CDH18: variants seen among roughly 807,000 people sequenced by gnomAD.
The protein encoded by CDH18 is cadherin-18.
Under a neutral mutation model 67.9 loss-of-function variants are expected in CDH18, and 31 were observed. The observed-to-expected ratio is 0.46, with a 90% CI of 0.34 to 0.62. CDH18 has a LOEUF of 0.62. Among genes scored for constraint, CDH18 ranks in the 20% least tolerant of loss-of-function variants. CDH18 has a pLI of 0.01. For synonymous variants in CDH18, 362 were observed against 347.2 expected, an observed-to-expected ratio of 1.04 and a Z score of -0.48; for missense variants, 890 against 975.5, an observed-to-expected ratio of 0.91 and a Z score of 1.17.
intron 4 of CDH18, among the ~76,000 whole-genome samples, chr5:19,725,045 G>A (rs2150596536): frequency 6.6e-6 from 1 of 151,358 alleles, no homozygotes; most frequent in East Asian, 2.0e-4. Flanking sequence ...TCCTGCCTCA[G>A]CCTCCTGAGT....
chr5:19,954,646 C>A (rs1361869623), intron 2 of CDH18, among the ~76,000 whole-genome samples: 1 of 151,856 alleles, frequency 6.6e-6, no homozygotes. Context: ...GATAACCAAT[C>A]TGAATAGGTG....
At chr5:20,163,704 A>G (rs1483004379) in intron 2 of CDH18, among the ~76,000 whole-genome samples, 2 of 152,226 alleles carry the variant, frequency 1.3e-5, no homozygotes, top group Non-Finnish European at 2.9e-5. Flanking sequence ...GTAACGAGAA[A>G]GAAGTGAGTA....
intron 1 of CDH18, among the ~76,000 whole-genome samples, chr5:20,488,247 C>T (rs1753332829): frequency 1.3e-5 from 2 of 152,080 alleles, no homozygotes; most frequent in South Asian, 2.1e-4. Flanking sequence ...ATTTTGCAGC[C>T]TGTAATTGTA....
chr5:20,184,510 A>T (rs960716420), intron 2 of CDH18, among the ~76,000 whole-genome samples: 2 of 152,142 alleles, frequency 1.3e-5, no homozygotes, highest in African/African-American at 4.8e-5. Context: ...CTGCCTCTGC[A>T]TATCACTGTT....
chr5:20,251,934 G>A (rs1299028527), intron 2 of CDH18, among the ~76,000 whole-genome samples: 1 of 151,972 alleles, frequency 6.6e-6, no homozygotes, highest in East Asian at 1.9e-4. Flanking sequence ...AATCTAAAAA[G>A]TTAGGAAACT....
At chr5:19,817,547 T>A (rs1779423148) in intron 3 of CDH18, among the ~76,000 whole-genome samples, 1 of 152,042 alleles carries the variant, frequency 6.6e-6, no homozygotes, top group African/African-American at 2.4e-5. Flanking sequence ...CAAAAACTCA[T>A]CAATAAAAGT....
At chr5:19,878,094 G>A (rs193270284) in intron 2 of CDH18, 1 of 151,994 alleles carries the variant, frequency 6.6e-6, no homozygotes, top group Non-Finnish European at 1.5e-5. Flanking sequence ...TGAAAACCTA[G>A]GTGGATAAAA....
chr5:19,561,470 G>T (rs1303964810), intron 8 of CDH18, among the ~76,000 whole-genome samples: 2 of 152,072 alleles, frequency 1.3e-5, no homozygotes, highest in Non-Finnish European at 2.9e-5. Context: ...AGGATGCAAA[G>T]GCACAAGAAT....
intron 2 of CDH18, among the ~76,000 whole-genome samples, chr5:20,083,572 C>T (rs187229227): frequency 2.3e-4 from 35 of 152,272 alleles, no homozygotes; most frequent in Admixed American, 7.2e-4. Context: ...CCTTCCTTCT[C>T]CTCAGGCCCC....
At chr5:20,499,446 T>C (rs1226757015) in intron 1 of CDH18, among the ~76,000 whole-genome samples, 2 of 152,088 alleles carry the variant, frequency 1.3e-5, no homozygotes, top group African/African-American at 4.8e-5. Flanking sequence ...AATCTGCAGA[T>C]CCATAACCCA....
chr5:20,235,971 C>T (rs1047395814), intron 2 of CDH18, among the ~76,000 whole-genome samples: 3 of 152,028 alleles, frequency 2.0e-5, no homozygotes, highest in Non-Finnish European at 2.9e-5. Context: ...AGCTGGAAAC[C>T]ATTATCCTAA....
intron 2 of CDH18, among the ~76,000 whole-genome samples, chr5:19,943,658 T>C (rs1331483196): frequency 2.6e-5 from 4 of 152,034 alleles, no homozygotes; most frequent in Non-Finnish European, 4.4e-5. Context: ...TTAGAGAGAA[T>C]TGGGACCAAA....
intron 2 of CDH18, among the ~76,000 whole-genome samples, chr5:20,060,063 G>A (rs1298267904): frequency 2.0e-5 from 3 of 152,230 alleles, no homozygotes; most frequent in South Asian, 2.1e-4. Context: ...ACCATGGCAC[G>A]TGTATACTTG....
At chr5:19,937,199 C>T (rs1794369084) in intron 2 of CDH18, among the ~76,000 whole-genome samples, 1 of 151,244 alleles carries the variant, frequency 6.6e-6, no homozygotes, top group African/African-American at 2.4e-5. Flanking sequence ...TCTTTTGTAA[C>T]TATATAATTA....
chr5:20,080,118 A>G (rs530967216), intron 2 of CDH18, among the ~76,000 whole-genome samples: 11 of 152,252 alleles, frequency 7.2e-5, no homozygotes, highest in Admixed American at 6.5e-4. Flanking sequence ...TATGCACACT[A>G]TATTTATGTA....
At chr5:20,467,218 T>C (rs556368969) in intron 1 of CDH18, among the ~76,000 whole-genome samples, 1 of 152,216 alleles carries the variant, frequency 6.6e-6, no homozygotes, top group South Asian at 2.1e-4. Flanking sequence ...GTATGTATCA[T>C]CTCCTATGAT....
intron 1 of CDH18, among the ~76,000 whole-genome samples, chr5:20,561,574 A>T (rs1354963884): frequency 2.0e-5 from 3 of 152,068 alleles, no homozygotes; most frequent in Non-Finnish European, 4.4e-5. Flanking sequence ...AAAGATCAGT[A>T]GTTGCCAGGG....
intron 2 of CDH18, chr5:19,878,001 C>G (rs1450861358): frequency 2.6e-5 from 4 of 151,976 alleles, no homozygotes; most frequent in Non-Finnish European, 5.9e-5. Flanking sequence ...TACCACTTTC[C>G]TTATTGACTT....
intron 1 of CDH18, among the ~76,000 whole-genome samples, chr5:20,391,406 A>C (rs544370712): frequency 6.6e-6 from 1 of 152,148 alleles, no homozygotes; most frequent in South Asian, 2.1e-4. Context: ...ATTTTTGTAA[A>C]GATAAAAATG....
Sources: gnomAD v4.1 joint callset for allele counts (sites outside exome capture counted in the v4.1 genomes callset) on GRCh38, gnomAD v4.1.1 for gene constraint, MANE v1.5 for transcripts, NCBI Gene and HGNC (gene_info 2026-07-23, HGNC 2026-07-21) for gene names.